The following SLC7A5 variants were observed in gnomAD, a reference collection of about 807,000 sequenced individuals.
SLC7A5 encodes large neutral amino acids transporter small subunit 1.
In SLC7A5, 23 loss-of-function variants were observed where a neutral mutation model predicts 50.2. The ratio of observed to expected loss-of-function variants is 0.46; its 90% CI spans 0.33 to 0.65. The LOEUF (loss-of-function observed/expected upper bound fraction) is 0.65, where lower values mean the gene tolerates loss of function less well. SLC7A5 is among the 30% of genes least tolerant of loss of function. The probability of loss-of-function intolerance (pLI) is 0.02; values close to 1 mark genes in which losing one functional copy is unlikely to be tolerated. For synonymous variants in SLC7A5, 393 were observed against 330.6 expected, an observed-to-expected ratio of 1.19 and a Z score of -2.05; for missense variants, 578 against 684.4, an observed-to-expected ratio of 0.84 and a Z score of 1.73.
At position 87,845,975 on chromosome 16, in the gene SLC7A5, C is replaced by T. The variant is rs572698409; in HGVS notation, c.665-4820G>A. 6.6e-5 allele frequency among the ~76,000 whole-genome samples: 10 copies of T among 152,336 alleles called. No homozygotes were observed. The South Asian group carries it at 1.9e-3, about 28-fold the overall frequency. On this transcript the variant is annotated intron_variant, in intron 2 of 9. Coordinates refer to ENST00000261622, the MANE Select transcript of SLC7A5 (RefSeq NM_003486.7). ...CCCCAGCCTGTCATCCTCCCGAGGC[C>T]GACGGCACAGAAGAATGGCAGGCCC... is the stretch of plus-strand genomic sequence containing the variant.
At chr16:87,837,769 G>T in intron 7 of SLC7A5, 76 bp downstream of exon 7, 1 of 1,215,588 alleles carries the variant, frequency 8.2e-7, no homozygotes, top group Non-Finnish European at 1.2e-6. Context: ...AGAGCTGCAA[G>T]CTGTGGCAGC....
chr16:87,844,648 GC>G (rs2055127124), intron 2 of SLC7A5, among the ~76,000 whole-genome samples: 1 of 152,260 alleles, frequency 6.6e-6, no homozygotes, highest in Non-Finnish European at 1.5e-5. Context: ...AGCCTGCCCA[GC>G]GTGGGGAACA....
At position 87,869,194 on chromosome 16, in the gene SLC7A5, T is replaced by C. The variant is rs2143846776; in HGVS notation, c.229A>G (p.Lys77Glu). 6.2e-7 allele frequency: 1 copy of C among 1,612,452 alleles called. No homozygotes were observed. Among genetic ancestry groups the C allele is most frequent in the Non-Finnish European group, 8.5e-7 (1 of 1,179,814 alleles). The change falls in exon 1 of 10, where the codon AAG becomes GAG. Residue 77 changes from lysine (K) to glutamate (E), a missense_variant. Coordinates refer to ENST00000261622, the MANE Select transcript of SLC7A5 (RefSeq NM_003486.7). ...GIFVTPTGVL[K>E]EAGSPGLALV... is the part of the protein sequence containing the mutation. ...GCCAGCCCCGGCGAGCCTGCCTCCT[T>C]GAGCACGCCCGTGGGCGTCACGAAG...
intron 1 of SLC7A5, among the ~76,000 whole-genome samples, chr16:87,865,033 A>G (rs1186183036): frequency 1.3e-5 from 2 of 152,146 alleles, no homozygotes; most frequent in Admixed American, 1.3e-4. Flanking sequence ...ACTATCTCTA[A>G]TATCTTTCCC....
chr16:87,840,586 G>C, intron 3 of SLC7A5, 113 bp from the exon 4 acceptor site: 1 of 904,774 alleles, frequency 1.1e-6, no homozygotes, highest in Admixed American at 1.8e-5. Context: ...TGGTCTGCTC[G>C]CTGGGCTGGA....
In SLC7A5 at chr16:87,852,435, C is replaced by A. The variant is rs554964475; in HGVS notation, c.539-586G>T. 2.5e-4 allele frequency among the ~76,000 whole-genome samples: 38 copies of A among 152,322 alleles called. No homozygotes were observed. Among genetic ancestry groups the A allele is most frequent in the African/African-American group, 9.1e-4 (38 of 41,568 alleles). On this transcript the variant is annotated intron_variant, in intron 1 of 9. Transcript: ENST00000261622. The surrounding 1 kb of genome is among the most constrained non-coding windows in gnomAD (Gnocchi z 4.5). ...CCACAGGGGCCTGTGGTGAGCAGAG[C>A]AGACCCTGCTGCCCTGCTGCTTTGG...
chr16:87,855,405 G>A (rs1271395905), intron 1 of SLC7A5, among the ~76,000 whole-genome samples: 5 of 152,002 alleles, frequency 3.3e-5, no homozygotes, highest in Non-Finnish European at 7.4e-5. Context: ...CCCACAGACG[G>A]GACAGGTGCA....
chr16:87,868,777 C>A (rs1318477535), intron 1 of SLC7A5, 108 bp downstream of exon 1: 10 of 1,196,174 alleles, frequency 8.4e-6, no homozygotes, highest in Middle Eastern at 2.3e-4. Context: ...CGGGATGGTC[C>A]AGGAACGTAA....
At chr16:87,867,994 G>A in intron 1 of SLC7A5, among the ~76,000 whole-genome samples, 1 of 151,540 alleles carries the variant, frequency 6.6e-6, no homozygotes. Flanking sequence ...GCGGGCACCT[G>A]TAGTCCCAGC....
chr16:87,854,791 C>T (rs1383113155), intron 1 of SLC7A5, among the ~76,000 whole-genome samples: 5 of 152,252 alleles, frequency 3.3e-5, no homozygotes, highest in East Asian at 1.9e-4. Context: ...CTGTCTTCCC[C>T]GTCCTCACCT....
At chr16:87,839,967 G>T (rs1310393288) in intron 4 of SLC7A5, 142 bp from the exon 5 acceptor site, 5 of 1,152,810 alleles carry the variant, frequency 4.3e-6, no homozygotes, top group Non-Finnish European at 5.0e-6. Flanking sequence ...GAAGCAGCAA[G>T]AGAACACAGG....
chr16:87,867,700 G>C (rs1433678511), intron 1 of SLC7A5, among the ~76,000 whole-genome samples: 1 of 152,116 alleles, frequency 6.6e-6, no homozygotes, highest in African/African-American at 2.4e-5. Context: ...ACACTATTGA[G>C]ATGCAGGCCG....
At chr16:87,842,327 G>T (rs1222907463) in intron 2 of SLC7A5, among the ~76,000 whole-genome samples, 1 of 152,212 alleles carries the variant, frequency 6.6e-6, no homozygotes, top group Non-Finnish European at 1.5e-5. Flanking sequence ...CCAACATGTG[G>T]CCTTGGACCA....
Position 87,832,786 on chromosome 16 carries a change from T to G in SLC7A5, c.*184A>C, listed in dbSNP as rs1020021141. 6.3e-6 allele frequency: 4 copies of G among 630,154 alleles called. No homozygotes were observed. The highest frequency in any genetic ancestry group is 1.6e-5 in the South Asian group (1 of 61,032). The allele number at this position is 630,154 out of a possible 1,614,324, so 39.0% of individuals were successfully genotyped here. A position where few individuals can be genotyped will look rare whatever the true frequency, so the allele number is the denominator to read the frequency against. On this transcript the variant is annotated 3_prime_UTR_variant, in exon 10 of 10. Coordinates refer to ENST00000261622, the MANE Select transcript of SLC7A5 (RefSeq NM_003486.7). The surrounding 1 kb of genome is among the most constrained non-coding windows in gnomAD (Gnocchi z 4.6). ...GCACACCTGGGTCCCTGGCCCTCAG[T>G]TGAGGGATGAGATTCGTACCAGAGT...
intron 1 of SLC7A5, among the ~76,000 whole-genome samples, chr16:87,854,360 T>C (rs1367131121): frequency 6.6e-6 from 1 of 152,230 alleles, no homozygotes; most frequent in Non-Finnish European, 1.5e-5. Flanking sequence ...AAGGTTTCAT[T>C]ATTCTCCACA....
rs907111089 is a variant in SLC7A5, at chr16:87,861,126, C to G, written c.538+7759G>C. On this transcript the variant is annotated intron_variant, in intron 1 of 9. Coordinates refer to ENST00000261622, the MANE Select transcript of SLC7A5 (RefSeq NM_003486.7). The surrounding 1 kb of genome is among the most constrained non-coding windows in gnomAD (Gnocchi z 4.2). The stretch of plus-strand genomic sequence containing the variant: ...TCTGCATGCATACACGTGTCCTGTC[C>G]CTGCAGACGGGCCAGGCAAGGCCTG... Among the ~76,000 whole-genome samples the G allele has an allele frequency of 1.2e-4, 18 of 152,196 alleles. No individual in the cohort carries two copies. The highest frequency in any genetic ancestry group is 1.3e-4 in the Admixed American group (2 of 15,288).
At position 87,838,773 on chromosome 16, in the gene SLC7A5, G is replaced by A. The variant is rs33936442; in HGVS notation, c.984C>T (p.Pro328=). The change falls in exon 6 of 10, where the codon CCC becomes CCT. Residue 328 remains proline (P), a synonymous_variant. Coordinates refer to ENST00000261622, the MANE Select transcript of SLC7A5 (RefSeq NM_003486.7). ...YHLGVMSWII[P]VFVGLSCFGS... is the part of the protein sequence containing the mutation. ...CGAAGCAGGACAGGCCCACGAAGAC[G>A]GGGATGATCCAGGACATGACGCCCA... 1.1e-5 allele frequency: 18 copies of A among 1,614,036 alleles called. No individual in the cohort carries two copies. The highest frequency in any genetic ancestry group is 8.0e-5 in the African/African-American group (6 of 75,052).
intron 4 of SLC7A5, among the ~76,000 whole-genome samples, 185 bp from the exon 5 acceptor site, chr16:87,840,010 A>G (rs2055063340): frequency 1.3e-5 from 2 of 152,298 alleles, no homozygotes; most frequent in African/African-American, 4.8e-5. Flanking sequence ...GGAGCGGGAC[A>G]CTGCACAGCC....
chr16:87,836,489 C>G lies in SLC7A5; in HGVS notation c.1290+9G>C, dbSNP rs765587617. 6.2e-7 allele frequency: 1 copy of G among 1,608,670 alleles called. No homozygotes were observed. The highest frequency in any genetic ancestry group is 1.1e-5 in the South Asian group (1 of 91,072). On this transcript the variant is annotated intron_variant, in intron 8 of 9. Coordinates refer to ENST00000261622, the MANE Select transcript of SLC7A5 (RefSeq NM_003486.7). ...GGGTGCCTGGGTGAGCGGGAGGCCC[C>G]GGGCTCACCTTGATGGGCCGCTCAA... is the stretch of plus-strand genomic sequence containing the variant.
Sources: gnomAD v4.1 joint callset for allele counts (sites outside exome capture counted in the v4.1 genomes callset) on GRCh38, gnomAD v4.1.1 for gene constraint, Gnocchi (gnomAD v3.1) non-coding constraint, MANE v1.5 for transcripts, NCBI Gene and HGNC (gene_info 2026-07-23, HGNC 2026-07-21) for gene names.